The following NCOR2 variants were observed in gnomAD, a reference collection of about 807,000 sequenced individuals.
NCOR2 encodes the protein nuclear receptor corepressor 2, also known as CTG repeat protein 26.
Under a neutral mutation model 262.9 loss-of-function variants are expected in NCOR2, and 81 were observed. That is an observed-to-expected ratio of 0.31 (90% confidence interval 0.26 to 0.37). The LOEUF is 0.37. Among genes scored for constraint, NCOR2 ranks in the 10% least tolerant of loss-of-function variants. The probability of loss-of-function intolerance (pLI) is 1.00; values close to 1 mark genes in which losing one functional copy is unlikely to be tolerated. For missense variants in NCOR2, 3,385 were observed against 3,621.4 expected (o/e 0.93, Z 1.68); for synonymous variants, 1,659 against 1,559.3 (o/e 1.06, Z -1.51).
At chr12:124,465,792 G>A (rs1028162334) in intron 5 of NCOR2, among the ~76,000 whole-genome samples, 1 of 152,162 alleles carries the variant, frequency 6.6e-6, no homozygotes, top group Non-Finnish European at 1.5e-5. Flanking sequence ...TCACTGCTGC[G>A]GTCATAATGT....
chr12:124,496,017 A>G (rs2048359544), upstream of NCOR2, among the ~76,000 whole-genome samples: 1 of 152,120 alleles, frequency 6.6e-6, no homozygotes, highest in Admixed American at 6.5e-5. This position sits in a 1 kb window ranked among gnomAD's most constrained non-coding sequence, Gnocchi z 4.4. Context: ...CGGGCCCTGC[A>G]GCCTAGGGAT....
intron 12 of NCOR2, among the ~76,000 whole-genome samples, chr12:124,421,914 C>T (rs2043224460): frequency 6.6e-6 from 1 of 152,256 alleles, no homozygotes; most frequent in African/African-American, 2.4e-5. Context: ...TGCTCCGGGC[C>T]TGGGCTTGAC....
intron 13 of NCOR2, among the ~76,000 whole-genome samples, chr12:124,407,641 A>C (rs1228649667): frequency 6.6e-6 from 1 of 152,220 alleles, no homozygotes; most frequent in African/African-American, 2.4e-5. Context: ...TCCAGTGAGA[A>C]GGTGCTGCGA....
chr12:124,487,619 G>A (rs868467924), intron 1 of NCOR2, among the ~76,000 whole-genome samples: 2 of 152,110 alleles, frequency 1.3e-5, no homozygotes, highest in East Asian at 3.9e-4. Context: ...CCCTCCCTCC[G>A]CCCTGCGGCT....
At chr12:124,532,999 T>TAAC (rs2050918235) in intron 1 of NCOR2, among the ~76,000 whole-genome samples, 1 of 20,396 alleles carries the variant, frequency 4.9e-5, no homozygotes, top group Non-Finnish European at 1.1e-4. Flanking sequence ...TTCCCCCACC[T>TAAC]CCAAATCGCA....
intron 18 of NCOR2, among the ~76,000 whole-genome samples, chr12:124,376,268 C>G (rs894739996): frequency 6.6e-6 from 1 of 152,240 alleles, no homozygotes; most frequent in Admixed American, 6.5e-5. Flanking sequence ...TGCCCCTCCC[C>G]GTCCCTACGG....
At chr12:124,450,602 A>C (rs530492198) in intron 6 of NCOR2, among the ~76,000 whole-genome samples, 248 of 152,228 alleles carry the variant, frequency 1.6e-3, no homozygotes, top group Middle Eastern at 6.8e-3. Flanking sequence ...TACACCACAA[A>C]TCCCACACAG....
At chr12:124,363,856 G>C in intron 20 of NCOR2, 57 bp from the exon 23 acceptor site, 2 of 1,298,494 alleles carry the variant, frequency 1.5e-6, no homozygotes, top group Non-Finnish European at 2.0e-6. Context: ...TCCCAGGGTG[G>C]GGGGGCTGCC....
chr12:124,464,822 G>A (rs139109450), intron 5 of NCOR2, among the ~76,000 whole-genome samples: 4 of 152,308 alleles, frequency 2.6e-5, no homozygotes, highest in Non-Finnish European at 4.4e-5. Context: ...GCCAGGAAGT[G>A]GGAGAAATGG....
chr12:124,463,294 A>G (rs2046265046), intron 5 of NCOR2, among the ~76,000 whole-genome samples: 1 of 152,188 alleles, frequency 6.6e-6, no homozygotes, highest in Admixed American at 6.5e-5. Flanking sequence ...GGCCTGTGCC[A>G]TGCCCCCTCA....
intron 8 of NCOR2, among the ~76,000 whole-genome samples, chr12:124,434,671 G>T (rs2044226919): frequency 1.3e-5 from 2 of 152,188 alleles, no homozygotes; most frequent in African/African-American, 2.4e-5. Flanking sequence ...AACCATGGGG[G>T]GCTGTCAAGG....
At chr12:124,433,900 G>GCA (rs201254802) in intron 8 of NCOR2, among the ~76,000 whole-genome samples, 1 of 131,406 alleles carries the variant, frequency 7.6e-6, no homozygotes, top group Admixed American at 7.3e-5. Flanking sequence ...ACACACACAC[G>GCA]CACACACACA....
chr12:124,350,658 C>T (rs1473462264), exon 28 of NCOR2: 2 of 1,613,886 alleles, frequency 1.2e-6, no homozygotes, highest in Non-Finnish European at 1.7e-6. Context: ...GTCCTCCCGG[C>T]CGCGGTCCAA....
chr12:124,550,346 C>T (rs1037305709), intron 1 of NCOR2, among the ~76,000 whole-genome samples: 1 of 151,728 alleles, frequency 6.6e-6, no homozygotes, highest in Non-Finnish European at 1.5e-5. Flanking sequence ...AAGGCAGAGG[C>T]GGGACCTGAA....
intron 1 of NCOR2, chr12:124,513,491 G>A (rs1022864164): frequency 1.3e-5 from 2 of 152,198 alleles, no homozygotes; most frequent in Non-Finnish European, 2.9e-5. Flanking sequence ...AGGGACTTTT[G>A]GGGATGAAAC....
At position 124,523,210 on chromosome 12, in the gene NCOR2, T is replaced by C. The variant is rs1406072621; in HGVS notation, c.-118+12355A>G. ...GGGCCGCCCCCACCCACAGCAGCTG[T>C]GAGCTGGCAGCTGGCAGAGTTAATT... On this transcript the variant is annotated intron_variant, in intron 1 of 46. Coordinates refer to the NCOR2 transcript ENST00000404621. The surrounding 1 kb of genome is among the most constrained non-coding windows in gnomAD (Gnocchi z 4.0). 2.6e-5 allele frequency among the ~76,000 whole-genome samples: 4 copies of C among 152,202 alleles called. No individual in the cohort carries two copies.
chr12:124,362,328 C>T, intron 21 of NCOR2, 31 bp from the exon 24 acceptor site: 2 of 1,335,128 alleles, frequency 1.5e-6, no homozygotes, highest in Non-Finnish European at 1.9e-6. Flanking sequence ...TGAGCATTCA[C>T]AGAGGGTGTC....
chr12:124,468,466 C>G (rs564893773), intron 4 of NCOR2, among the ~76,000 whole-genome samples: 3 of 21,430 alleles, frequency 1.4e-4, no homozygotes, highest in African/African-American at 8.0e-4. Context: ...TCCTCATCAC[C>G]CCCATCATCC....
chr12:124,500,776 G>A (rs1361804517), intron 1 of NCOR2, among the ~76,000 whole-genome samples: 1 of 152,024 alleles, frequency 6.6e-6, no homozygotes, highest in Non-Finnish European at 1.5e-5. Context: ...TCTGTGTCTT[G>A]AGCGGCCTGG....
Sources: gnomAD v4.1 joint callset for allele counts (sites outside exome capture counted in the v4.1 genomes callset) on GRCh38, gnomAD v4.1.1 for gene constraint, Gnocchi (gnomAD v3.1) non-coding constraint, MANE v1.5 for transcripts, NCBI Gene and HGNC (gene_info 2026-07-23, HGNC 2026-07-21) for gene names.